The following CAMSAP2 variants were observed in gnomAD, a reference collection of about 807,000 sequenced individuals.
The protein encoded by CAMSAP2 is calmodulin-regulated spectrin-associated protein 2.
In CAMSAP2, 26 loss-of-function variants were observed where a neutral mutation model predicts 146.1. The observed-to-expected ratio is 0.18, with a 90% CI of 0.13 to 0.25. The LOEUF (loss-of-function observed/expected upper bound fraction) is 0.25, where lower values mean the gene tolerates loss of function less well. CAMSAP2 is among the 10% of genes least tolerant of loss of function. The probability of loss-of-function intolerance (pLI) is 1.00; values close to 1 mark genes in which losing one functional copy is unlikely to be tolerated. For synonymous variants in CAMSAP2, 499 were observed against 596.6 expected, an observed-to-expected ratio of 0.84 and a Z score of 2.38; for missense variants, 1,381 against 1,759.3, an observed-to-expected ratio of 0.78 and a Z score of 3.85.
chr1:200,808,729 C>T (rs1015051029), intron 3 of CAMSAP2, among the ~76,000 whole-genome samples: 2 of 152,216 alleles, frequency 1.3e-5, no homozygotes, highest in African/African-American at 2.4e-5. Context: ...TTTCTCCTAT[C>T]TTCCTAACCC....
chr1:200,811,130 C>A (rs1666319325), intron 3 of CAMSAP2, among the ~76,000 whole-genome samples: 1 of 152,194 alleles, frequency 6.6e-6, no homozygotes, highest in Non-Finnish European at 1.5e-5. Context: ...TCAATCTTTA[C>A]TTCTAAAGCA....
rs1051549746 is a variant in CAMSAP2 at position 200,739,319 on chromosome 1, A to G, written c.-509A>G. ...CGTCCCTCCGCCCACCCGGGGCCTG[A>G]GGGGTCTCCCCGCTCCGAGGGAAGG... On this transcript the variant is annotated 5_prime_UTR_variant, in exon 1 of 17. Transcript: ENST00000358823. The surrounding 1 kb of genome is among the most constrained non-coding windows in gnomAD (Gnocchi z 4.8). Among the ~76,000 whole-genome samples the G allele has an allele frequency of 6.6e-6, 1 of 151,972 alleles. No individual in the cohort carries two copies. Among genetic ancestry groups the G allele is most frequent in the Non-Finnish European group, 1.5e-5 (1 of 67,956 alleles).
At chr1:200,822,278 A>G (rs766981647) in intron 4 of CAMSAP2, among the ~76,000 whole-genome samples, 12 of 152,166 alleles carry the variant, frequency 7.9e-5, no homozygotes, top group African/African-American at 2.2e-4. Context: ...ATTCATTTCC[A>G]TAACGACAGT....
At chr1:200,786,405 A>G (rs1197821217) in intron 2 of CAMSAP2, among the ~76,000 whole-genome samples, 1 of 146,000 alleles carries the variant, frequency 6.8e-6, no homozygotes, top group Non-Finnish European at 1.5e-5. Flanking sequence ...TTTCTTTGAG[A>G]TGGAGTCTTG....
chr1:200,812,075 ACT>A (rs1666346823), intron 3 of CAMSAP2, among the ~76,000 whole-genome samples: 1 of 151,536 alleles, frequency 6.6e-6, no homozygotes, highest in African/African-American at 2.4e-5. Flanking sequence ...ATACCCTAAC[ACT>A]CTACTTTTTT....
chr1:200,804,481 A>T (rs1193686183), intron 2 of CAMSAP2, among the ~76,000 whole-genome samples: 1 of 152,052 alleles, frequency 6.6e-6, no homozygotes, highest in African/African-American at 2.4e-5. Flanking sequence ...TCATGTGTTT[A>T]TAGAACAAAC....
chr1:200,828,691 C>T, intron 4 of CAMSAP2: 1 of 1,250,494 alleles, frequency 8.0e-7, no homozygotes, highest in African/African-American at 1.5e-5. Flanking sequence ...AAAGTCATTT[C>T]ATGTAATTCT....
chr1:200,774,194 A>G (rs1665201644), intron 2 of CAMSAP2, among the ~76,000 whole-genome samples: 1 of 152,054 alleles, frequency 6.6e-6, no homozygotes, highest in Admixed American at 6.6e-5. Flanking sequence ...AATTAATGTC[A>G]GTGATGTGAT....
At chr1:200,839,333 T>C (rs1667258763) in intron 6 of CAMSAP2, among the ~76,000 whole-genome samples, 1 of 152,094 alleles carries the variant, frequency 6.6e-6, no homozygotes, top group East Asian at 1.9e-4. Context: ...AAAATGTCAG[T>C]AGAGGCCTGC....
intron 6 of CAMSAP2, among the ~76,000 whole-genome samples, chr1:200,835,549 A>G (rs1280865945): frequency 6.6e-6 from 1 of 152,156 alleles, no homozygotes; most frequent in Non-Finnish European, 1.5e-5. Flanking sequence ...GCCAGTGGTA[A>G]AGACATTTCT....
At chr1:200,855,068 A>C (rs1006376652) in intron 14 of CAMSAP2, among the ~76,000 whole-genome samples, 179 bp downstream of exon 14, 3 of 150,316 alleles carry the variant, frequency 2.0e-5, no homozygotes, top group Non-Finnish European at 4.5e-5. Flanking sequence ...TAAATTATGT[A>C]AAGAGGTGTC....
chr1:200,805,410 T>C (rs543863440), intron 2 of CAMSAP2, among the ~76,000 whole-genome samples: 22 of 152,286 alleles, frequency 1.4e-4, no homozygotes, highest in Admixed American at 1.2e-3. Context: ...ATGTAGGGAA[T>C]AGGAAGATAA....
chr1:200,841,243 A>G (rs1440489121), intron 6 of CAMSAP2, among the ~76,000 whole-genome samples: 1 of 152,160 alleles, frequency 6.6e-6, no homozygotes, highest in Non-Finnish European at 1.5e-5. Context: ...TACTGAGCAC[A>G]TACATATAAC....
rs956863915 is a variant in CAMSAP2 at position 200,858,702 on chromosome 1, C to A, written c.*643C>A. On this transcript the variant is annotated 3_prime_UTR_variant, in exon 17 of 17. Coordinates refer to ENST00000358823, the MANE Select transcript of CAMSAP2 (RefSeq NM_203459.4). ...TATTATTCACTCAAGTATTAACATT[C>A]TCTATTAAATAAGAGGAGGTGTTGT... 6.6e-6 allele frequency: 1 copy of A among 152,594 alleles called. No homozygotes were observed. The highest frequency in any genetic ancestry group is 1.5e-5 in the Non-Finnish European group (1 of 67,932). The allele number at this position is 152,594 out of a possible 1,614,324, so 9.5% of individuals were successfully genotyped here.
chr1:200,847,315 G>A, intron 9 of CAMSAP2, 23 bp downstream of exon 9: 1 of 1,509,944 alleles, frequency 6.6e-7, no homozygotes, highest in Non-Finnish European at 9.1e-7. Context: ...AAAAAGCCTA[G>A]GAAAATACTC....
At position 200,817,231 on chromosome 1, in the gene CAMSAP2, T is replaced by TACACAC. The variant is rs1553288853; in HGVS notation, c.645+1588_645+1589insCACACA. ...ACACATACACACATATGTGTGTGTA[T>TACACAC]ATACACACATACACACATATGTGTG... On this transcript the variant is annotated intron_variant, in intron 4 of 16. Transcript: ENST00000358823. Among the ~76,000 whole-genome samples, 30 of 81,366 alleles carry TACACAC rather than the reference T, an allele frequency of 3.7e-4. 1 individual carries two copies. In the South Asian group the frequency reaches 0.015, roughly 40 times the overall value. 53.4% of individuals were successfully genotyped at this position (81,366 alleles called of 152,430 possible).
chr1:200,824,934 G>A (rs1205454916), intron 4 of CAMSAP2, among the ~76,000 whole-genome samples: 2 of 152,112 alleles, frequency 1.3e-5, no homozygotes, highest in East Asian at 1.9e-4. Flanking sequence ...AGCCGAGATC[G>A]TGCCAGTGTA....
intron 13 of CAMSAP2, 71 bp from the exon 14 acceptor site, chr1:200,854,744 CTT>C (rs1667706047): frequency 1.8e-6 from 2 of 1,092,818 alleles, no homozygotes; most frequent in South Asian, 1.4e-5. Context: ...TGAACAGACT[CTT>C]TGCTAGTTGC....
intron 3 of CAMSAP2, among the ~76,000 whole-genome samples, chr1:200,814,431 A>G (rs1161258209): frequency 6.6e-6 from 1 of 151,416 alleles, no homozygotes; most frequent in African/African-American, 2.4e-5. Flanking sequence ...ACATTGTGAA[A>G]CCCCATCTCT....
Sources: gnomAD v4.1 joint callset for allele counts (sites outside exome capture counted in the v4.1 genomes callset) on GRCh38, gnomAD v4.1.1 for gene constraint, Gnocchi (gnomAD v3.1) non-coding constraint, MANE v1.5 for transcripts, NCBI Gene and HGNC (gene_info 2026-07-23, HGNC 2026-07-21) for gene names.